The following SPDL1 variants were observed in gnomAD, a reference collection of about 807,000 sequenced individuals.
SPDL1 encodes spindle apparatus coiled-coil protein 1.
A neutral mutation model predicts 79.5 loss-of-function variants in SPDL1; 85 were observed. The observed-to-expected ratio is 1.07, with a 90% CI of 0.90 to 1.28. The LOEUF is 1.28. Among genes scored for constraint, SPDL1 ranks in the 50% most tolerant of loss-of-function variants. The pLI, the probability that SPDL1 is intolerant of heterozygous loss-of-function variation, is 0.00. For missense variants in SPDL1, 703 were observed against 697.8 expected (o/e 1.01, Z -0.08); for synonymous variants, 269 against 240.3 (o/e 1.12, Z -1.10).
intron 1 of SPDL1, among the ~76,000 whole-genome samples, chr5:169,585,466 C>T (rs907163770): frequency 1.3e-5 from 2 of 152,064 alleles, no homozygotes; most frequent in African/African-American, 2.4e-5. Flanking sequence ...TCTGGATATG[C>T]CTGGCTGGAA....
At chr5:169,590,630 CT>C (rs928832895) in intron 2 of SPDL1, 14 of 424,366 alleles carry the variant, frequency 3.3e-5, no homozygotes, top group African/African-American at 1.8e-4. Context: ...TTCAGTATTT[CT>C]TTTTTTTCAA....
Position 169,598,497 on chromosome 5 carries a change from T to C in SPDL1, c.1054T>C (p.Ser352Pro), listed in dbSNP as rs61735388. 3.4e-4 allele frequency: 541 copies of C among 1,612,444 alleles called. 4 individuals carry two copies. The African/African-American group carries it at 5.7e-3, about 17-fold the overall frequency. ...TAAGAATTTATATGACAGTATGGAA[T>C]CTAAGCCTTCAGTCGACTCTGGTAC... ...KFKNLYDSME[S>P]KPSVDSGTLE... The change falls in exon 9 of 12, where the codon TCT becomes CCT. Residue 352 changes from serine (S) to proline (P), a missense_variant. Transcript: ENST00000265295.
chr5:169,591,272 G>T (rs200313275), intron 3 of SPDL1, 48 bp downstream of exon 3: 1 of 1,572,930 alleles, frequency 6.4e-7, no homozygotes, highest in Admixed American at 1.8e-5. Flanking sequence ...TATTTATGCA[G>T]CCATCTGTAA....
chr5:169,584,983 G>C (rs1754911173), intron 1 of SPDL1, among the ~76,000 whole-genome samples: 1 of 149,948 alleles, frequency 6.7e-6, no homozygotes, highest in Non-Finnish European at 1.5e-5. Flanking sequence ...GCAGTCCGCA[G>C]TCTGGCCTGG....
rs1755103120 is a variant in SPDL1, at chr5:169,588,506, A to G, written c.90A>G (p.Leu30=). The G allele has an allele frequency of 6.2e-7, 1 of 1,613,926 alleles. No homozygotes were observed. The highest frequency in any genetic ancestry group is 2.2e-5 in the East Asian group (1 of 44,870). ...RLKAAQYGLQ[L]VESQNELQNQ... ...AAGCTGCACAGTATGGTTTACAACTAGTAGAGAGTCAAAATGAATTACAGA... is the reference window on the plus strand; with the variant it reads ...AAGCTGCACAGTATGGTTTACAACTGGTAGAGAGTCAAAATGAATTACAGA... Residue 30 remains leucine (L), a synonymous_variant, in exon 2 of 12, where the codon CTA becomes CTG. Coordinates refer to ENST00000265295, the MANE Select transcript of SPDL1 (RefSeq NM_017785.5).
intron 8 of SPDL1, among the ~76,000 whole-genome samples, chr5:169,597,169 G>C (rs541833502): frequency 1.3e-5 from 2 of 151,778 alleles, no homozygotes; most frequent in East Asian, 3.9e-4. Flanking sequence ...CCCACTTCTG[G>C]GATTAGCATT....
Position 169,593,354 on chromosome 5 carries a change from A to G in SPDL1, c.337A>G (p.Ile113Val). 5 of 1,578,662 alleles carry G rather than the reference A, an allele frequency of 3.2e-6. No homozygotes were observed. The highest frequency in any genetic ancestry group is 4.3e-6 in the Non-Finnish European group (5 of 1,168,478). ...ATGACTTTTTTTTTTTTGGCTTTAG[A>G]TAGAAAAACTGAAAGTGGAATTAGA... ...GQEVNELKTK[I>V]EKLKVELDEA... Residue 113 changes from isoleucine to valine, a missense_variant and splice_region_variant, in exon 4 of 12, where the codon ATA becomes GTA. Transcript: ENST00000265295.
Position 169,601,510 on chromosome 5 carries a change from A to C in SPDL1, c.1555A>C (p.Asn519His). 1.2e-6 allele frequency: 2 copies of C among 1,614,152 alleles called. No homozygotes were observed. Among genetic ancestry groups the C allele is most frequent in the Admixed American group, 1.7e-5 (1 of 60,016 alleles). Residue 519 changes from asparagine (N) to histidine (H), a missense_variant, in exon 11 of 12, where the codon AAT (asparagine) becomes CAT (histidine). By Grantham distance (68) the Asn-to-His change is moderately conservative (BLOSUM62 1). Coordinates refer to ENST00000265295, the MANE Select transcript of SPDL1 (RefSeq NM_017785.5). Reference protein sequence around the residue: ...TPVVSLSPHKNLPVDMQLKKE... With the variant: ...TPVVSLSPHKHLPVDMQLKKE... ...AGTAGTCAGTCTCTCTCCTCACAAA[A>C]ATCTGCCCGTGGATATGCAGCTGAA...
chr5:169,595,042 C>T (rs773128865), intron 7 of SPDL1, among the ~76,000 whole-genome samples: 5 of 152,152 alleles, frequency 3.3e-5, no homozygotes, highest in Non-Finnish European at 4.4e-5. Context: ...AGCTGAAACT[C>T]GCTGCCTCAC....
chr5:169,589,495 A>G (rs1198199738), intron 2 of SPDL1, among the ~76,000 whole-genome samples: 3 of 151,268 alleles, frequency 2.0e-5, no homozygotes, highest in Non-Finnish European at 4.4e-5. Context: ...ACCTCACCTC[A>G]AACTGCTTTG....
intron 1 of SPDL1, among the ~76,000 whole-genome samples, chr5:169,585,150 GAA>G (rs1184238472): frequency 2.0e-5 from 3 of 152,166 alleles, no homozygotes; most frequent in Non-Finnish European, 4.4e-5. Context: ...GACCTCTGCT[GAA>G]AAGTTACTTC....
intron 8 of SPDL1, among the ~76,000 whole-genome samples, chr5:169,597,476 C>T (rs538297242): frequency 3.9e-5 from 6 of 152,094 alleles, no homozygotes; most frequent in Admixed American, 2.6e-4. Context: ...ATTATAAAGG[C>T]TTTTAAGTAT....
rs1380229858 is a variant in SPDL1 at position 169,604,613 on chromosome 5, TTGTA to T, written c.*407_*410del. 2 of 152,418 alleles carry T rather than the reference TTGTA, an allele frequency of 1.3e-5. No individual in the cohort carries two copies. Among genetic ancestry groups the T allele is most frequent in the Non-Finnish European group, 2.9e-5 (2 of 68,186 alleles). 9.4% of individuals were successfully genotyped at this position (152,418 alleles called of 1,614,324 possible). The stretch of plus-strand genomic sequence containing the variant: ...AGACTATGTTGTAAAAATGGGAAGG[TTGTA>T]AACTATGTTGTAAAAATAGGAAATG... On this transcript the variant is annotated 3_prime_UTR_variant, in exon 12 of 12. Transcript: ENST00000265295.
In SPDL1 at chr5:169,588,399, T is replaced by TAA; in HGVS notation, c.-11_-10dup. 6.3e-7 allele frequency: 1 copy of TAA among 1,585,662 alleles called. No individual in the cohort carries two copies. Among genetic ancestry groups the TAA allele is most frequent in the Non-Finnish European group, 8.5e-7 (1 of 1,169,832 alleles). On this transcript the variant is annotated 5_prime_UTR_variant, in exon 2 of 12. Transcript: ENST00000265295. ...TTTATTTCCTCTATTTACAGTTGGC[T>TAA]AAAAAAAAGAAAAGAACATGGAGGC...
In SPDL1 at chr5:169,594,142, T is replaced by G. The variant is rs547263443; in HGVS notation, c.532-3T>G. 1.9e-6 allele frequency: 3 copies of G among 1,597,164 alleles called. No individual in the cohort carries two copies. The South Asian group carries it at 3.4e-5, about 18-fold the overall frequency. ...TTCCTCCTTTTCAATTCCTGTTAAA[T>G]AGACCACCCTCAAAGAAGAAGTGAA... On this transcript the variant is annotated splice_region_variant and splice_polypyrimidine_tract_variant and intron_variant, in intron 4 of 11. Coordinates refer to ENST00000265295, the MANE Select transcript of SPDL1 (RefSeq NM_017785.5).
intron 10 of SPDL1, among the ~76,000 whole-genome samples, chr5:169,599,882 C>G (rs369074437): frequency 3.9e-5 from 6 of 152,052 alleles, no homozygotes; most frequent in African/African-American, 1.4e-4. Context: ...TTGAGATTTG[C>G]TTGGGCAATA....
In SPDL1 at chr5:169,594,215, T is replaced by C. The variant is rs1325985427; in HGVS notation, c.602T>C (p.Leu201Pro). ...QEQLELLITN[L>P]MRQVDRLKEE... ...CAGCTAGAACTTCTTATTACTAACC[T>C]AATGCGCCAGGTAGACCGGCTTAAA... Residue 201 changes from leucine to proline, a missense_variant, in exon 5 of 12, where the codon CTA (leucine) becomes CCA (proline). Leu to Pro is a moderately conservative substitution (Grantham distance 98). Transcript: ENST00000265295. 3.7e-6 allele frequency: 6 copies of C among 1,613,688 alleles called. No homozygotes were observed. The African/African-American group carries it at 6.7e-5, about 18-fold the overall frequency.
chr5:169,585,847 T>C (rs1277658362), intron 1 of SPDL1: 1 of 152,246 alleles, frequency 6.6e-6, no homozygotes, highest in Non-Finnish European at 1.5e-5. Context: ...CTTCCACCAC[T>C]GTACCTGCTT....
In SPDL1 at chr5:169,604,137, G is replaced by T; in HGVS notation, c.1748G>T (p.Cys583Phe). Residue 583 changes from cysteine (C) to phenylalanine (F), a missense_variant, in exon 12 of 12, where the codon TGT (cysteine) becomes TTT (phenylalanine). Physicochemically the swap from Cys to Phe is radical, Grantham distance 205. Coordinates refer to ENST00000265295, the MANE Select transcript of SPDL1 (RefSeq NM_017785.5). ...ETSSKLEKET[C>F]KKLHPILYVS... ...TCAAGCAAATTGGAAAAAGAAACTT[G>T]TAAGAAATTACACCCTATTCTATAT... is the stretch of plus-strand genomic sequence containing the variant. 6.2e-7 allele frequency: 1 copy of T among 1,613,378 alleles called. No homozygotes were observed. The highest frequency in any genetic ancestry group is 1.1e-5 in the South Asian group (1 of 90,952).
Sources: allele counts gnomAD v4.1 joint callset (sites outside exome capture counted in the v4.1 genomes callset), GRCh38; gene constraint gnomAD v4.1.1; transcripts MANE v1.5; gene names NCBI Gene and HGNC (gene_info 2026-07-23, HGNC 2026-07-21).